SHISA4: variants seen among roughly 807,000 people sequenced by gnomAD.
The protein encoded by SHISA4 is protein shisa-4.
A neutral mutation model predicts 24.2 loss-of-function variants in SHISA4; 16 were observed. That is an observed-to-expected ratio of 0.66 (90% CI 0.45 to 1.00). The LOEUF is 1.00. Among genes scored for constraint, SHISA4 ranks in the 50% least tolerant of loss-of-function variants. The probability of loss-of-function intolerance (pLI) is 0.00; values close to 1 mark genes in which losing one functional copy is unlikely to be tolerated. For synonymous variants in SHISA4, 106 were observed against 105.4 expected, an observed-to-expected ratio of 1.01 and a Z score of -0.04; for missense variants, 238 against 258.9, an observed-to-expected ratio of 0.92 and a Z score of 0.55.
At position 201,889,751 on chromosome 1, in the gene SHISA4, A is replaced by G. The variant is rs6661773; in HGVS notation, c.245+135A>G. 1.4e-3 allele frequency: 1,476 copies of G among 1,079,506 alleles called. 17 individuals carry two copies. In the African/African-American group the frequency reaches 0.021, roughly 15 times the overall value. The allele number at this position is 1,079,506 out of a possible 1,614,324, so 66.9% of individuals were successfully genotyped here. A position where few individuals can be genotyped will look rare whatever the true frequency, so the allele number is the denominator to read the frequency against. Reference sequence around the variant, plus strand: ...TAGCTGAATAGAGTCACCAGGACTCAAGCCTGGCGGCAGAGCTAGGTGCTT... The same window carrying G: ...TAGCTGAATAGAGTCACCAGGACTCGAGCCTGGCGGCAGAGCTAGGTGCTT... On this transcript the variant is annotated intron_variant, in intron 2 of 4. Coordinates refer to ENST00000362011, the MANE Select transcript of SHISA4 (RefSeq NM_198149.3).
rs1472877463 is a variant in SHISA4, at chr1:201,891,396, T to C, written c.380-5T>C. On this transcript the variant is annotated splice_region_variant and splice_polypyrimidine_tract_variant and intron_variant, in intron 3 of 4. Coordinates refer to ENST00000362011, the MANE Select transcript of SHISA4 (RefSeq NM_198149.3). Reference sequence around the variant, plus strand: ...TCTGAATGCTGATCCTTCTCCCCCATCTAGGCCAGGAGATTCCAATGACAG... The same window carrying C: ...TCTGAATGCTGATCCTTCTCCCCCACCTAGGCCAGGAGATTCCAATGACAG... 6.2e-7 allele frequency: 1 copy of C among 1,613,784 alleles called. No homozygotes were observed. Among genetic ancestry groups the C allele is most frequent in the Non-Finnish European group, 8.5e-7 (1 of 1,179,872 alleles).
At chr1:201,890,860 T>C (rs1681080546) in intron 3 of SHISA4, among the ~76,000 whole-genome samples, 1 of 152,198 alleles carries the variant, frequency 6.6e-6, no homozygotes, top group African/African-American at 2.4e-5. Context: ...CAATAGTGGG[T>C]GCAGTGGGTG....
chr1:201,889,136 G>A, intron 1 of SHISA4, 69 bp downstream of exon 1: 1 of 1,338,066 alleles, frequency 7.5e-7, no homozygotes, highest in Non-Finnish European at 9.9e-7. Flanking sequence ...CCGATCCGAG[G>A]GGCTTGGGCT....
chr1:201,889,495 C>T lies in SHISA4; in HGVS notation c.124C>T (p.His42Tyr). The T allele has an allele frequency of 6.2e-7, 1 of 1,614,014 alleles. No homozygotes were observed. Among genetic ancestry groups the T allele is most frequent in the South Asian group, 1.1e-5 (1 of 91,086 alleles). ...LWYLDRNGSW[H>Y]PGFNCEFFTF... The stretch of plus-strand genomic sequence containing the variant: ...GTACCTGGACCGGAATGGCTCCTGG[C>T]ATCCGGGGTTTAACTGCGAGTTCTT... Residue 42 changes from histidine to tyrosine, a missense_variant, in exon 2 of 5, where the codon CAT becomes TAT. Physicochemically the swap from His to Tyr is moderately conservative, Grantham distance 83. Transcript: ENST00000362011.
intron 1 of SHISA4, 62 bp from the exon 2 acceptor site, chr1:201,889,383 C>G: frequency 6.3e-7 from 1 of 1,593,732 alleles, no homozygotes; most frequent in South Asian, 1.1e-5. Context: ...GGAGTGGGGC[C>G]GAGCGCGGCT....
chr1:201,889,072 G>A lies in SHISA4; in HGVS notation c.73+5G>A, dbSNP rs1339157895. On this transcript the variant is annotated splice_donor_5th_base_variant and intron_variant, in intron 1 of 4. Transcript: ENST00000362011. ...TGGTGCTGGGGGCTCCCCTGGGTAAGGGGATGGGGAGAGATGCGGCAGGAG... is the reference window on the plus strand; with the variant it reads ...TGGTGCTGGGGGCTCCCCTGGGTAAAGGGATGGGGAGAGATGCGGCAGGAG... 21 of 1,404,176 alleles carry A rather than the reference G, an allele frequency of 1.5e-5. No individual in the cohort carries two copies. Among genetic ancestry groups the A allele is most frequent in the South Asian group, 3.3e-5 (2 of 60,208 alleles). 87.0% of individuals were successfully genotyped at this position (1,404,176 alleles called of 1,614,324 possible).
chr1:201,888,790 C>T (rs1681034201), upstream of SHISA4: 3 of 378,176 alleles, frequency 7.9e-6, 1 homozygote, highest in Middle Eastern at 1.4e-3. Context: ...AGGTGGGCGT[C>T]GCTGGTGGGT....
intron 2 of SHISA4, among the ~76,000 whole-genome samples, chr1:201,890,243 G>A (rs370980378): frequency 2.0e-5 from 3 of 152,270 alleles, no homozygotes; most frequent in East Asian, 3.9e-4. Context: ...GCAAATCCCC[G>A]TATGCTTCAC....
At position 201,891,422 on chromosome 1, in the gene SHISA4, G is replaced by C. The variant is rs745916218; in HGVS notation, c.401G>C (p.Gly134Ala). 1.2e-6 allele frequency: 2 copies of C among 1,613,676 alleles called. No individual in the cohort carries two copies. The highest frequency in any genetic ancestry group is 4.5e-5 in the East Asian group (2 of 44,870). Residue 134 changes from glycine to alanine, a missense_variant, in exon 4 of 5, where the codon GGC becomes GCC. Coordinates refer to ENST00000362011, the MANE Select transcript of SHISA4 (RefSeq NM_198149.3). ...CTAGGCCAGGAGATTCCAATGACAG[G>C]CATCCCAGTGCAGCCAGTATACCCA... is the stretch of plus-strand genomic sequence containing the variant. ...PFEGQEIPMT[G>A]IPVQPVYPYP...
At chr1:201,889,793 G>A (rs1681060063) in intron 2 of SHISA4, among the ~76,000 whole-genome samples, 177 bp downstream of exon 2, 2 of 152,204 alleles carry the variant, frequency 1.3e-5, no homozygotes, top group Admixed American at 1.3e-4. Context: ...TGGTGCCTGG[G>A]AGTTCCAGAA....
chr1:201,889,324 A>G lies in SHISA4; in HGVS notation c.74-121A>G, dbSNP rs1681046273. On this transcript the variant is annotated intron_variant, in intron 1 of 4. Coordinates refer to ENST00000362011, the MANE Select transcript of SHISA4 (RefSeq NM_198149.3). The stretch of plus-strand genomic sequence containing the variant: ...GGGCTGAGACCCTCAGGGTGGAGAC[A>G]AGGGGCAACCCTCAGTGTTCGGGAG... 3 of 1,389,964 alleles carry G rather than the reference A, an allele frequency of 2.2e-6. No individual in the cohort carries two copies. In the East Asian group the frequency reaches 7.1e-5, roughly 33 times the overall value. 86.1% of individuals were successfully genotyped at this position (1,389,964 alleles called of 1,614,324 possible).
rs772034643 is a variant in SHISA4 at position 201,891,530 on chromosome 1, C to T, written c.509C>T (p.Pro170Leu). 1.5e-5 allele frequency: 25 copies of T among 1,613,618 alleles called. No homozygotes were observed. Among genetic ancestry groups the T allele is most frequent in the Non-Finnish European group, 2.0e-5 (24 of 1,179,836 alleles). ...CCTAGTGGTCCTGCTCCCCAATATCCACTCTACCCAGCTGGGCCCCCAGTC... is the reference window on the plus strand; with the variant it reads ...CCTAGTGGTCCTGCTCCCCAATATCTACTCTACCCAGCTGGGCCCCCAGTC... ...YPPSGPAPQY[P>L]LYPAGPPVYN... is the part of the protein sequence containing the mutation. Residue 170 changes from proline to leucine, a missense_variant, in exon 4 of 5, where the codon CCA becomes CTA. Physicochemically the swap from Pro to Leu is moderately conservative, Grantham distance 98. Transcript: ENST00000362011.
intron 4 of SHISA4, 29 bp from the exon 5 acceptor site, chr1:201,891,771 C>T (rs1464200657): frequency 1.2e-6 from 2 of 1,613,776 alleles, no homozygotes; most frequent in South Asian, 1.1e-5. Flanking sequence ...TGCCACCACT[C>T]ACCCTCATCC....
At chr1:201,888,813 G>C (rs1047403037), upstream of SHISA4, 13 of 388,560 alleles carry the variant, frequency 3.3e-5, no homozygotes, top group African/African-American at 2.5e-4. Context: ...ACTCCTGGGC[G>C]CTGCGCGGAG....
In SHISA4 at chr1:201,889,591, C is replaced by G. The variant is rs753829752; in HGVS notation, c.220C>G (p.Gln74Glu). ...CCTGACCTTGCTTATCACCGAGAGGCAGCAGAAGCACTGCCTGGCCTTCAG... is the reference window on the plus strand; with the variant it reads ...CCTGACCTTGCTTATCACCGAGAGGGAGCAGAAGCACTGCCTGGCCTTCAG... ...RDLTLLITER[Q>E]QKHCLAFSPK... The change falls in exon 2 of 5, where the codon CAG becomes GAG. Residue 74 changes from glutamine (Q) to glutamate (E), a missense_variant. Gln to Glu is a conservative substitution (Grantham distance 29, BLOSUM62 2). Coordinates refer to ENST00000362011, the MANE Select transcript of SHISA4 (RefSeq NM_198149.3). 11 of 1,613,706 alleles carry G rather than the reference C, an allele frequency of 6.8e-6. No homozygotes were observed. The highest frequency in any genetic ancestry group is 5.0e-5 in the Admixed American group (3 of 60,004).
chr1:201,889,190 T>C (rs979997226), intron 1 of SHISA4, 123 bp downstream of exon 1: 3 of 1,013,344 alleles, frequency 3.0e-6, no homozygotes, highest in African/African-American at 3.3e-5. Context: ...GAGCCTTGGG[T>C]GTTGCTGGGT....
At position 201,891,616 on chromosome 1, in the gene SHISA4, T is replaced by TG. The variant is rs753211632; in HGVS notation, c.547+49dup. On this transcript the variant is annotated intron_variant, in intron 4 of 4. Transcript: ENST00000362011. ...CTTGCTGCTGCCTTCCCCCACCCCT[T>TG]GCCCTGCGACCTCCCCTGTGCCTCT... 12 of 1,575,738 alleles carry TG rather than the reference T, an allele frequency of 7.6e-6. No homozygotes were observed. The East Asian group carries it at 2.2e-4, about 29-fold the overall frequency.
At chr1:201,889,406 G>A in intron 1 of SHISA4, 39 bp from the exon 2 acceptor site, 2 of 1,606,382 alleles carry the variant, frequency 1.2e-6, no homozygotes, top group Non-Finnish European at 1.7e-6. Flanking sequence ...GGATGAACTG[G>A]CCTGGTGGCC....
At position 201,891,974 on chromosome 1, in the gene SHISA4, C is replaced by A; in HGVS notation, c.*128C>A. 9.1e-7 allele frequency: 1 copy of A among 1,095,506 alleles called. No individual in the cohort carries two copies. Among genetic ancestry groups the A allele is most frequent in the Non-Finnish European group, 1.4e-6 (1 of 721,446 alleles). The allele number at this position is 1,095,506 out of a possible 1,614,324, so 67.9% of individuals were successfully genotyped here. A position where few individuals can be genotyped will look rare whatever the true frequency, so the allele number is the denominator to read the frequency against. On this transcript the variant is annotated 3_prime_UTR_variant, in exon 5 of 5. Transcript: ENST00000362011. Reference sequence around the variant, plus strand: ...CCACCAGGCCCCAGACCAAGCCAAGCCCTGGGCCCTACTGGGGACAGAGCC... The same window carrying A: ...CCACCAGGCCCCAGACCAAGCCAAGACCTGGGCCCTACTGGGGACAGAGCC...
Sources: allele counts gnomAD v4.1 joint callset (sites outside exome capture counted in the v4.1 genomes callset), GRCh38; gene constraint gnomAD v4.1.1; transcripts MANE v1.5; gene names NCBI Gene and HGNC (gene_info 2026-07-23, HGNC 2026-07-21).